Variants in COL4A4 observed in about 807,000 individuals in gnomAD.
COL4A4 encodes the protein collagen alpha-4(IV) chain.
A neutral mutation model predicts 192.9 loss-of-function variants in COL4A4; 105 were observed. The ratio of observed to expected loss-of-function variants is 0.54; its 90% confidence interval spans 0.46 to 0.64. COL4A4 has a LOEUF of 0.64. Ranked by LOEUF, COL4A4 falls within the 30% of genes least tolerant of loss-of-function variation. The probability of loss-of-function intolerance (pLI) is 0.00; values close to 1 mark genes in which losing one functional copy is unlikely to be tolerated. For missense variants in COL4A4, 1,967 were observed against 2,169.3 expected, an observed-to-expected ratio of 0.91 and a Z score of 1.85; for synonymous variants, 762 against 769.9, an observed-to-expected ratio of 0.99 and a Z score of 0.17.
rs2061194898 is a variant in COL4A4, at chr2:227,111,317, G to T, written c.594+361C>A. On this transcript the variant is annotated intron_variant, in intron 9 of 47. Transcript: ENST00000396625. ...GAAGCAATGCAAGATTATTCTAGCT[G>T]GTATATATTATACATGTAGTTGCTA... is the stretch of plus-strand genomic sequence containing the variant. Among the ~76,000 whole-genome samples, 8 of 152,030 alleles carry T rather than the reference G, an allele frequency of 5.3e-5. No individual in the cohort carries two copies. The South Asian group carries it at 1.7e-3, about 32-fold the overall frequency.
intron 1 of COL4A4, among the ~76,000 whole-genome samples, chr2:227,148,472 A>T (rs2063699332): frequency 6.6e-6 from 1 of 152,182 alleles, no homozygotes; most frequent in Admixed American, 6.5e-5. Flanking sequence ...ATTGATTAAT[A>T]GTTGTCAGGG....
At chr2:227,136,028 C>G (rs2062791919) in intron 4 of COL4A4, among the ~76,000 whole-genome samples, 1 of 152,122 alleles carries the variant, frequency 6.6e-6, no homozygotes, top group South Asian at 2.1e-4. Flanking sequence ...CAAAAAATGA[C>G]CCCCAGTTTA....
chr2:227,097,896 C>G (rs1439123520), intron 19 of COL4A4, among the ~76,000 whole-genome samples: 1 of 152,172 alleles, frequency 6.6e-6, no homozygotes. Flanking sequence ...GGTAAAACTA[C>G]GTTTACTCAA....
At chr2:227,035,699 C>T (rs1266332181) in intron 37 of COL4A4, among the ~76,000 whole-genome samples, 1 of 152,146 alleles carries the variant, frequency 6.6e-6, no homozygotes, top group Non-Finnish European at 1.5e-5. Flanking sequence ...TCTGCCAAAT[C>T]TGGGTATTTA....
chr2:227,011,957 C>T (rs959582520), intron 45 of COL4A4, among the ~76,000 whole-genome samples: 1 of 152,170 alleles, frequency 6.6e-6, no homozygotes, highest in Non-Finnish European at 1.5e-5. Context: ...GAATAGGATG[C>T]AGGGCCTTGT....
intron 4 of COL4A4, among the ~76,000 whole-genome samples, chr2:227,124,314 G>A (rs984552940): frequency 3.3e-5 from 5 of 152,116 alleles, no homozygotes; most frequent in African/African-American, 7.2e-5. Context: ...GGCAAAGACC[G>A]CAATTACTTC....
chr2:227,057,674 C>T, intron 28 of COL4A4, 74 bp from the exon 29 acceptor site: 1 of 1,438,706 alleles, frequency 7.0e-7, no homozygotes, highest in Non-Finnish European at 9.7e-7. Context: ...ATTGTTCACG[C>T]ATATCAATAC....
upstream of COL4A4, chr2:227,164,484 A>C: frequency 1.8e-6 from 1 of 563,290 alleles, no homozygotes; most frequent in Non-Finnish European, 3.1e-6. The surrounding 1 kb of genome is among the most constrained non-coding windows in gnomAD (Gnocchi z 4.8). Context: ...ACTGCCTGGT[A>C]AGTTGGGAGG....
chr2:227,097,916 C>G (rs1559615352), intron 19 of COL4A4, among the ~76,000 whole-genome samples: 1 of 152,180 alleles, frequency 6.6e-6, no homozygotes, highest in Non-Finnish European at 1.5e-5. Context: ...AGACTTTTCT[C>G]CTCACAGGTT....
intron 12 of COL4A4, among the ~76,000 whole-genome samples, chr2:227,107,308 T>C (rs2060905941): frequency 6.6e-6 from 1 of 152,164 alleles, no homozygotes; most frequent in Non-Finnish European, 1.5e-5. Context: ...AGGCCAGGGA[T>C]GTGGCTAAAC....
Position 227,094,118 on chromosome 2 carries a change from AC to A in COL4A4, c.1369+6del. On this transcript the variant is annotated splice_donor_region_variant and intron_variant, in intron 20 of 47. Transcript: ENST00000396625. ...ATGCTAATGGATATGAATAAGGAGTACTTTACCACTTGATCCTGGGAGGCCC... is the reference window on the plus strand; with the variant it reads ...ATGCTAATGGATATGAATAAGGAGTATTTACCACTTGATCCTGGGAGGCCC... The A allele has an allele frequency of 1.2e-6, 2 of 1,613,140 alleles. No homozygotes were observed. The highest frequency in any genetic ancestry group is 1.7e-6 in the Non-Finnish European group (2 of 1,179,296).
At chr2:227,142,955 A>G (rs1252723349) in intron 3 of COL4A4, among the ~76,000 whole-genome samples, 1 of 152,094 alleles carries the variant, frequency 6.6e-6, no homozygotes, top group African/African-American at 2.4e-5. Context: ...TTTTTTTCAA[A>G]TAGGTGTTTG....
intron 4 of COL4A4, among the ~76,000 whole-genome samples, chr2:227,122,094 C>T (rs2061830682): frequency 6.6e-6 from 1 of 152,116 alleles, no homozygotes; most frequent in African/African-American, 2.4e-5. Flanking sequence ...ATGAAAAGGC[C>T]ACCTCTTGTT....
chr2:227,012,485 C>T (rs1351847066), intron 44 of COL4A4, among the ~76,000 whole-genome samples, 188 bp from the exon 45 acceptor site: 1 of 151,940 alleles, frequency 6.6e-6, no homozygotes, highest in Admixed American at 6.6e-5. Context: ...TTGCAGTTGG[C>T]GTAACTGGGG....
chr2:227,044,529 T>C (rs1354771202), intron 35 of COL4A4, among the ~76,000 whole-genome samples: 1 of 152,162 alleles, frequency 6.6e-6, no homozygotes, highest in African/African-American at 2.4e-5. Context: ...CATCTATTAG[T>C]CTCACTATGT....
At chr2:227,125,542 T>G (rs368497102) in intron 4 of COL4A4, among the ~76,000 whole-genome samples, 211 of 151,324 alleles carry the variant, frequency 1.4e-3, no homozygotes, top group Admixed American at 3.2e-3. Context: ...AAAAAAAAAG[T>G]AAAGCAGGGA....
At chr2:227,022,196 T>A in intron 43 of COL4A4, 23 bp from the exon 44 acceptor site, 1 of 1,614,040 alleles carries the variant, frequency 6.2e-7, no homozygotes, top group Non-Finnish European at 8.5e-7. Flanking sequence ...TCACCGCTTG[T>A]GTAATGGATG....
At chr2:226,986,878 G>C in the COL4A4 span, among the ~76,000 whole-genome samples, 24 of 152,306 alleles carry the variant, frequency 1.6e-4, no homozygotes, top group East Asian at 4.6e-3. Context: ...ACACATGCAC[G>C]TGTGTGCTTA....
At chr2:227,078,269 GTC>G (rs2059140604) in intron 24 of COL4A4, among the ~76,000 whole-genome samples, 192 bp from the exon 25 acceptor site, 1 of 152,056 alleles carries the variant, frequency 6.6e-6, no homozygotes, top group South Asian at 2.1e-4. Context: ...TAGAAATGGA[GTC>G]TCTCTCTGTC....
Sources: gnomAD v4.1 joint callset for allele counts (sites outside exome capture counted in the v4.1 genomes callset) on GRCh38, gnomAD v4.1.1 for gene constraint, Gnocchi (gnomAD v3.1) non-coding constraint, MANE v1.5 for transcripts, NCBI Gene and HGNC (gene_info 2026-07-23, HGNC 2026-07-21) for gene names.